The following PPP1R12C variants were observed in gnomAD, a reference collection of about 807,000 sequenced individuals.
PPP1R12C encodes the protein leukocyte receptor cluster (LRC) encoded novel gene 3.
A neutral mutation model predicts 95.6 loss-of-function variants in PPP1R12C; 48 were observed. The observed-to-expected ratio is 0.50, with a 90% CI of 0.40 to 0.64. The LOEUF is 0.64. Ranked by LOEUF, PPP1R12C falls within the 30% of genes least tolerant of loss-of-function variation. The pLI is 0.00. For synonymous variants in PPP1R12C, 480 were observed against 460.8 expected (o/e 1.04, Z -0.53); for missense variants, 1,057 against 1,083.3 (o/e 0.98, Z 0.34).
chr19:55,113,114 C>A (rs2085116243), intron 1 of PPP1R12C: 3 of 511,712 alleles, frequency 5.9e-6, no homozygotes, highest in African/African-American at 1.9e-5. Context: ...CACGGCAAAA[C>A]CCCCGTCACC....
chr19:55,100,691 C>A (rs2084970769), intron 4 of PPP1R12C, among the ~76,000 whole-genome samples: 2 of 152,238 alleles, frequency 1.3e-5, no homozygotes, highest in South Asian at 4.1e-4. Context: ...CCACTGACTG[C>A]AACCTCTGCC....
intron 1 of PPP1R12C, 25 bp downstream of exon 1, chr19:55,117,198 G>C (rs1377719929): frequency 8.2e-7 from 1 of 1,222,428 alleles, no homozygotes; most frequent in Admixed American, 4.3e-5. Context: ...CTGGCCCCGG[G>C]AGACGCCGGG....
In PPP1R12C at chr19:55,112,810, C is replaced by CA. The variant is rs2085112699; in HGVS notation, c.322-16dup. 1 of 1,610,464 alleles carries CA rather than the reference C, an allele frequency of 6.2e-7. No individual in the cohort carries two copies. Among genetic ancestry groups the CA allele is most frequent in the African/African-American group, 1.3e-5 (1 of 74,856 alleles). On this transcript the variant is annotated splice_polypyrimidine_tract_variant and intron_variant, in intron 1 of 21. Transcript: ENST00000263433. ...TCAATGCAGGCCTGGGGGTGGGAAA[C>CA]AGCCGTCAGCCGCACCTACCCCAGC...
chr19:55,096,625 C>T (rs534830133), intron 6 of PPP1R12C, among the ~76,000 whole-genome samples: 8 of 152,128 alleles, frequency 5.3e-5, no homozygotes, highest in South Asian at 2.1e-4. Context: ...CCAGGGGAGA[C>T]CTGCTTAGAC....
At position 55,117,125 on chromosome 19, in the gene PPP1R12C, G is replaced by A. The variant is rs934739253; in HGVS notation, c.321+98C>T. 2.9e-6 allele frequency: 3 copies of A among 1,040,056 alleles called. No individual in the cohort carries two copies. In the African/African-American group the frequency reaches 5.1e-5, roughly 18 times the overall value. 64.4% of individuals were successfully genotyped at this position (1,040,056 alleles called of 1,614,324 possible). On this transcript the variant is annotated intron_variant, in intron 1 of 21. Coordinates refer to ENST00000263433, the MANE Select transcript of PPP1R12C (RefSeq NM_017607.4). ...GGCAAAGCCCAGGGCCAGGAACGAC[G>A]GGGCGGATCGAGACTGGCAACGGGG...
At position 55,112,670 on chromosome 19, in the gene PPP1R12C, G is replaced by A. The variant is rs73935111; in HGVS notation, c.447C>T (p.Ile149=). The A allele has an allele frequency of 7.2e-4, 1,168 of 1,613,778 alleles. 10 individuals are homozygous for A. In the African/African-American group the frequency reaches 0.013, roughly 18 times the overall value. ...HVAASCGYLD[I]ARYLLSHGAN... ...CCGGCCCTCCCTTGCCTCACCTGGC[G>A]ATATCTAGGTAGCCACAGGAGGCGG... The change falls in exon 2 of 22, where the codon ATC becomes ATT. Residue 149 remains isoleucine (I), a synonymous_variant. Transcript: ENST00000263433.
intron 15 of PPP1R12C, 39 bp from the exon 16 acceptor site, chr19:55,092,907 GC>G: frequency 6.3e-7 from 1 of 1,598,070 alleles, no homozygotes; most frequent in Non-Finnish European, 8.5e-7. Context: ...CACCTCCAGA[GC>G]CCCCTCTCGG....
Position 55,094,678 on chromosome 19 carries a change from G to A in PPP1R12C, c.1575C>T (p.Asp525=). ...CTCTTCACCTCCGTCGGTCCCGGGA[G>A]TCCGCTGGGGGCGCCGTGGAGGCTG... ...VPTASTAPPA[D]SRDRRRSYQM... is the part of the protein sequence containing the mutation. The change falls in exon 12 of 22, where the codon GAC becomes GAT. Residue 525 remains aspartate (D), a synonymous_variant. Transcript: ENST00000263433. 1 of 1,601,322 alleles carries A rather than the reference G, an allele frequency of 6.2e-7. No individual in the cohort carries two copies. Among genetic ancestry groups the A allele is most frequent in the Non-Finnish European group, 8.5e-7 (1 of 1,176,162 alleles).
chr19:55,099,114 C>T lies in PPP1R12C; in HGVS notation c.732-19G>A. The T allele has an allele frequency of 6.6e-6, 10 of 1,513,102 alleles. No individual in the cohort carries two copies. Among genetic ancestry groups the T allele is most frequent in the Non-Finnish European group, 8.9e-6 (10 of 1,128,110 alleles). 93.7% of individuals were successfully genotyped at this position (1,513,102 alleles called of 1,614,324 possible). On this transcript the variant is annotated intron_variant, in intron 4 of 21. Transcript: ENST00000263433. The stretch of plus-strand genomic sequence containing the variant: ...GAGCAACCTGGGGGCCAGGGAGGCT[C>T]AGGGTCAGAGGCCAAGGCGGGGCCC...
At chr19:55,099,746 C>T (rs530316395) in intron 4 of PPP1R12C, among the ~76,000 whole-genome samples, 22 of 152,362 alleles carry the variant, frequency 1.4e-4, no homozygotes, top group African/African-American at 4.8e-4. Flanking sequence ...GAGAAACCCT[C>T]ACCCGAGACA....
intron 3 of PPP1R12C, among the ~76,000 whole-genome samples, chr19:55,104,628 T>C (rs2085017885): frequency 1.3e-5 from 2 of 151,376 alleles, no homozygotes; most frequent in South Asian, 2.1e-4. Context: ...TCTTGAATCT[T>C]GGAGGCGGAA....
Position 55,093,066 on chromosome 19 carries a change from C to T in PPP1R12C, c.1775G>A (p.Arg592Gln), listed in dbSNP as rs749976198. The T allele has an allele frequency of 6.2e-6, 10 of 1,603,754 alleles. No individual in the cohort carries two copies. The highest frequency in any genetic ancestry group is 2.2e-5 in the East Asian group (1 of 44,818). ...CTCCACTCCAGGGACGCGGGGCCTT[C>T]GGGAAGGGTCCTGTCGGGAGGGGGA... ...EKPAQSLDPS[R>Q]RPRVPGVENS... Residue 592 changes from arginine to glutamine, a missense_variant, in exon 15 of 22, where the codon CGA (arginine) becomes CAA (glutamine). Transcript: ENST00000263433.
intron 16 of PPP1R12C, 48 bp from the exon 17 acceptor site, chr19:55,092,710 C>T (rs375179704): frequency 2.6e-6 from 4 of 1,526,526 alleles, no homozygotes; most frequent in Non-Finnish European, 3.5e-6. Flanking sequence ...GGGACTTTAG[C>T]GGGTATGGGA....
intron 4 of PPP1R12C, among the ~76,000 whole-genome samples, chr19:55,101,361 C>A (rs2084977105): frequency 6.6e-6 from 1 of 152,204 alleles, no homozygotes; most frequent in African/African-American, 2.4e-5. Context: ...CAAAGTGCTT[C>A]ACTTCCACGA....
chr19:55,097,867 C>T (rs115836782), intron 6 of PPP1R12C, among the ~76,000 whole-genome samples: 2,961 of 152,226 alleles, frequency 0.019, 122 homozygotes, highest in African/African-American at 0.068. Context: ...CCCTCATGGC[C>T]GTATCACCCT....
In PPP1R12C at chr19:55,091,418, G is replaced by C; in HGVS notation, c.*54C>G. On this transcript the variant is annotated 3_prime_UTR_variant, in exon 22 of 22. Transcript: ENST00000263433. ...CACTCGTGTTCACACGGGGGAAGGG[G>C]TGCGTGTGGCAGAAGCAGCTGTATA... 1 of 1,514,042 alleles carries C rather than the reference G, an allele frequency of 6.6e-7. No homozygotes were observed. Among genetic ancestry groups the C allele is most frequent in the Non-Finnish European group, 9.1e-7 (1 of 1,097,344 alleles). 93.8% of individuals were successfully genotyped at this position (1,514,042 alleles called of 1,614,324 possible).
Position 55,091,457 on chromosome 19 carries a change from G to T in PPP1R12C, c.*15C>A. ...AGCAGCTGTATAAATACGGGTGCGG[G>T]AAAGTCCCTCCGGGTCACTTGGAGA... is the stretch of plus-strand genomic sequence containing the variant. On this transcript the variant is annotated 3_prime_UTR_variant, in exon 22 of 22. Transcript: ENST00000263433. 6.2e-7 allele frequency: 1 copy of T among 1,610,608 alleles called. No individual in the cohort carries two copies. The highest frequency in any genetic ancestry group is 8.5e-7 in the Non-Finnish European group (1 of 1,177,024).
At position 55,092,862 on chromosome 19, in the gene PPP1R12C, G is replaced by C; in HGVS notation, c.1832C>G (p.Ala611Gly). The change falls in exon 16 of 22, where the codon GCG (alanine) becomes GGG (glycine). Residue 611 changes from alanine (A) to glycine (G), a missense_variant. Physicochemically the swap from Ala to Gly is moderately conservative, Grantham distance 60 (BLOSUM62 0). Around this residue, in one of 5 missense-constraint regions of PPP1R12C, gnomAD observed 347 missense variants for 307.9 expected, o/e 1.13. Transcript: ENST00000263433. The part of the protein sequence containing the change: ...NSDSPAQRAE[A>G]PDGQGPGPQA... ...CGGTCCCGGACCCTGCCCGTCGGGC[G>C]CCTCTGCTGGGGGAGGGGCAGGAAT... 6.3e-7 allele frequency: 1 copy of C among 1,588,834 alleles called. No individual in the cohort carries two copies. The highest frequency in any genetic ancestry group is 1.1e-5 in the South Asian group (1 of 88,710).
intron 18 of PPP1R12C, 47 bp from the exon 19 acceptor site, chr19:55,092,373 G>C: frequency 1.3e-6 from 2 of 1,561,694 alleles, no homozygotes; most frequent in Non-Finnish European, 1.7e-6. Flanking sequence ...GGGCGATGCT[G>C]GGGGGGCGGG....
Sources: allele counts gnomAD v4.1 joint callset (sites outside exome capture counted in the v4.1 genomes callset), GRCh38; gene constraint gnomAD v4.1.1; regional missense constraint gnomAD v4.1.1; transcripts MANE v1.5; gene names NCBI Gene and HGNC (gene_info 2026-07-23, HGNC 2026-07-21).